The following DOCK1 variants were observed in gnomAD, a reference collection of about 807,000 sequenced individuals.
The protein encoded by DOCK1 is dedicator of cytokinesis 1, also known as dedicator of cytokinesis protein 1.
DOCK1 carries 138 observed loss-of-function variants against 262.7 expected under a neutral mutation model. The ratio of observed to expected loss-of-function variants is 0.53; its 90% CI spans 0.46 to 0.61. DOCK1 has a LOEUF of 0.61. Ranked by LOEUF, DOCK1 falls within the 20% of genes least tolerant of loss-of-function variation. The pLI is 0.00. For synonymous variants in DOCK1, 866 were observed against 867.4 expected (o/e 1.00, Z 0.03); for missense variants, 1,908 against 2,370.7 (o/e 0.80, Z 4.05).
chr10:127,160,961 A>G (rs2133662729), intron 27 of DOCK1, among the ~76,000 whole-genome samples: 1 of 152,320 alleles, frequency 6.6e-6, no homozygotes, highest in African/African-American at 2.4e-5. Context: ...TCTCAAAGTG[A>G]CATTAATTAG....
intron 38 of DOCK1, among the ~76,000 whole-genome samples, chr10:127,401,510 C>T (rs1590903487): frequency 6.6e-6 from 1 of 152,296 alleles, no homozygotes; most frequent in South Asian, 2.1e-4. Flanking sequence ...TGCTGGCCTA[C>T]TTCCAGCGTC....
rs2036512594 is a variant in DOCK1 at position 126,953,653 on chromosome 10, C to T, written c.47-17049C>T. Among the ~76,000 whole-genome samples the T allele has an allele frequency of 2.0e-5, 3 of 152,180 alleles. No individual in the cohort carries two copies. In the East Asian group the frequency reaches 5.8e-4, roughly 29 times the overall value. ...TGAATGCCTTCGTGGCATAGGCCTC[C>T]TGGGAATGAGTGTGGGTAGAACGTC... On this transcript the variant is annotated intron_variant, in intron 1 of 51. Transcript: ENST00000623213.
At chr10:126,989,822 C>T in intron 5 of DOCK1, among the ~76,000 whole-genome samples, 1 of 152,200 alleles carries the variant, frequency 6.6e-6, no homozygotes, top group East Asian at 1.9e-4. Context: ...GTGAGTTTTG[C>T]ATCTTATTTG....
intron 43 of DOCK1, among the ~76,000 whole-genome samples, chr10:127,414,275 A>T (rs892083938): frequency 3.3e-5 from 5 of 152,126 alleles, no homozygotes; most frequent in African/African-American, 1.2e-4. Flanking sequence ...TCCTGTTGAC[A>T]CTCAGACTGC....
intron 38 of DOCK1, among the ~76,000 whole-genome samples, chr10:127,388,574 G>T (rs1377044778): frequency 6.6e-6 from 1 of 152,212 alleles, no homozygotes; most frequent in Non-Finnish European, 1.5e-5. Context: ...ACTAGAGTTT[G>T]AACCTCTCCG....
At chr10:127,053,115 G>T (rs1238360771) in intron 22 of DOCK1, among the ~76,000 whole-genome samples, 1 of 152,212 alleles carries the variant, frequency 6.6e-6, no homozygotes, top group African/African-American at 2.4e-5. Flanking sequence ...AATCCTGGGC[G>T]TCTACTGAGG....
At chr10:127,190,544 C>CTCATT in intron 27 of DOCK1, among the ~76,000 whole-genome samples, 1 of 151,300 alleles carries the variant, frequency 6.6e-6, no homozygotes, top group African/African-American at 2.4e-5. Flanking sequence ...ATCCAATTTC[C>CTCATT]TCCTATTTCA....
chr10:126,905,580 C>T lies in DOCK1; in HGVS notation c.46+17C>T. 2.6e-6 allele frequency: 1 copy of T among 380,556 alleles called. No individual in the cohort carries two copies. The highest frequency in any genetic ancestry group is 4.7e-6 in the Non-Finnish European group (1 of 211,558). The allele number at this position is 380,556 out of a possible 1,614,324, so 23.6% of individuals were successfully genotyped here. On this transcript the variant is annotated intron_variant, in intron 1 of 51. Transcript: ENST00000623213. ...ACGGCGTGGGTGAGCAGCGCCGCCGCCGCCGCGCCTCTCGCCCCAAGCCCA... is the reference window on the plus strand; with the variant it reads ...ACGGCGTGGGTGAGCAGCGCCGCCGTCGCCGCGCCTCTCGCCCCAAGCCCA...
intron 27 of DOCK1, chr10:127,137,310 C>T (rs1337389206): frequency 6.5e-6 from 1 of 153,172 alleles, no homozygotes; most frequent in Non-Finnish European, 1.5e-5. Context: ...TATTCATGGT[C>T]TCCGACCACT....
At chr10:127,440,744 G>A (rs577820822) in intron 49 of DOCK1, among the ~76,000 whole-genome samples, 126 of 152,212 alleles carry the variant, frequency 8.3e-4, no homozygotes, top group Non-Finnish European at 1.6e-3. Context: ...GCTGCTCTGC[G>A]GCCTGTGGGT....
intron 27 of DOCK1, among the ~76,000 whole-genome samples, chr10:127,149,716 ATG>A (rs1205369279): frequency 6.6e-6 from 1 of 152,038 alleles, no homozygotes; most frequent in Non-Finnish European, 1.5e-5. Flanking sequence ...TGACATTACA[ATG>A]TGTGAACACT....
At chr10:127,036,503 T>C (rs11018244) in intron 18 of DOCK1, among the ~76,000 whole-genome samples, 6,950 of 152,268 alleles carry the variant, frequency 0.046, 215 homozygotes, top group Non-Finnish European at 0.068. Context: ...TTTTGATTCT[T>C]TCTTTTATGG....
intron 29 of DOCK1, among the ~76,000 whole-genome samples, chr10:127,270,427 A>T (rs12761404): frequency 4.6e-5 from 7 of 151,760 alleles, no homozygotes; most frequent in Non-Finnish European, 1.0e-4. Flanking sequence ...ATACAATTTC[A>T]CATTCTTCCC....
chr10:127,117,799 C>T (rs1242398157), intron 25 of DOCK1, among the ~76,000 whole-genome samples: 2 of 152,142 alleles, frequency 1.3e-5, no homozygotes, highest in Admixed American at 6.5e-5. Flanking sequence ...CCCTGAGTCT[C>T]TTTAGTACAT....
chr10:126,937,605 T>A (rs1007828366), intron 1 of DOCK1, among the ~76,000 whole-genome samples: 1 of 152,050 alleles, frequency 6.6e-6, no homozygotes, highest in Non-Finnish European at 1.5e-5. Flanking sequence ...TCTTAAGGGT[T>A]AGTGATGTTG....
At chr10:127,017,699 G>T (rs1318970425) in intron 12 of DOCK1, among the ~76,000 whole-genome samples, 1 of 152,212 alleles carries the variant, frequency 6.6e-6, no homozygotes, top group South Asian at 2.1e-4. Context: ...GCCCTACCAA[G>T]CTGAGTGGGG....
In DOCK1 at chr10:127,099,794, T is replaced by A. The variant is rs9633650; in HGVS notation, c.2446-6437T>A. On this transcript the variant is annotated intron_variant, in intron 23 of 51. Coordinates refer to ENST00000623213, the MANE Select transcript of DOCK1 (RefSeq NM_001290223.2). The stretch of plus-strand genomic sequence containing the variant: ...GCATGAGAGATGGAGAGGACACACA[T>A]CCAAACCATATCTGATTCCTAACCT... 1.1e-4 allele frequency among the ~76,000 whole-genome samples: 17 copies of A among 152,174 alleles called. No individual in the cohort carries two copies. The East Asian group carries it at 3.1e-3, about 28-fold the overall frequency.
At chr10:127,061,954 T>TG (rs2045563614) in intron 23 of DOCK1, among the ~76,000 whole-genome samples, 178 bp downstream of exon 23, 1 of 77,732 alleles carries the variant, frequency 1.3e-5, no homozygotes, top group South Asian at 3.7e-4. Flanking sequence ...TTTTTTTTTT[T>TG]GAGACAGAAT....
At chr10:127,195,563 G>T (rs1476813211) in intron 27 of DOCK1, among the ~76,000 whole-genome samples, 2 of 150,884 alleles carry the variant, frequency 1.3e-5, no homozygotes, top group Non-Finnish European at 2.9e-5. Flanking sequence ...GTACTTTCCA[G>T]GGCGCTTTAG....
Sources: gnomAD v4.1 joint callset for allele counts (sites outside exome capture counted in the v4.1 genomes callset) on GRCh38, gnomAD v4.1.1 for gene constraint, MANE v1.5 for transcripts, NCBI Gene and HGNC (gene_info 2026-07-23, HGNC 2026-07-21) for gene names.